The following TCF4 variants were observed in gnomAD, a reference collection of about 807,000 sequenced individuals.
The protein encoded by TCF4 is SL3-3 enhancer factor 2.
In TCF4, 3 loss-of-function variants were observed where a neutral mutation model predicts 82.1. The ratio of observed to expected loss-of-function variants is 0.04; its 90% CI spans 0.02 to 0.09. The LOEUF (loss-of-function observed/expected upper bound fraction) is 0.09, where lower values mean the gene tolerates loss of function less well. TCF4 is among the 10% of genes least tolerant of loss of function. The pLI, the probability that TCF4 is intolerant of heterozygous loss-of-function variation, is 1.00. For synonymous variants in TCF4, 276 were observed against 309.6 expected (o/e 0.89, Z 1.14); for missense variants, 518 against 852.7 (o/e 0.61, Z 4.89).
At chr18:55,391,752 G>T (rs184156452) in intron 6 of TCF4, among the ~76,000 whole-genome samples, 58 of 151,542 alleles carry the variant, frequency 3.8e-4, no homozygotes, top group African/African-American at 1.3e-3. Context: ...GGCCAACATG[G>T]TGAAACCCTG....
At chr18:55,433,073 T>C (rs926374973) in intron 5 of TCF4, among the ~76,000 whole-genome samples, 2 of 152,234 alleles carry the variant, frequency 1.3e-5, no homozygotes, top group African/African-American at 2.4e-5. Context: ...AGTCATATCA[T>C]CTCGATAACT....
At chr18:55,532,828 T>G (rs558119926) in intron 3 of TCF4, among the ~76,000 whole-genome samples, 1 of 152,302 alleles carries the variant, frequency 6.6e-6, no homozygotes, top group African/African-American at 2.4e-5. Flanking sequence ...CTCTGAATTC[T>G]AATTTAGGTT....
chr18:55,464,786 G>A (rs2095972036), intron 3 of TCF4, among the ~76,000 whole-genome samples: 1 of 151,882 alleles, frequency 6.6e-6, no homozygotes, highest in African/African-American at 2.4e-5. Context: ...TTTGATATGT[G>A]GAAATGAATG....
intron 3 of TCF4, among the ~76,000 whole-genome samples, chr18:55,485,897 G>C (rs895223748): frequency 7.2e-5 from 11 of 152,204 alleles, no homozygotes; most frequent in Non-Finnish European, 1.2e-4. Context: ...CACACACACA[G>C]AATGTGTTCC....
chr18:55,626,996 C>T (rs570502873), intron 2 of TCF4, among the ~76,000 whole-genome samples: 1 of 152,170 alleles, frequency 6.6e-6, no homozygotes, highest in South Asian at 2.1e-4. Context: ...ATATACTGAC[C>T]CTTTCTTTGG....
chr18:55,465,672 C>T (rs148035947), intron 3 of TCF4, among the ~76,000 whole-genome samples: 3 of 152,298 alleles, frequency 2.0e-5, no homozygotes, highest in East Asian at 3.9e-4. Context: ...AAAGAAGCTA[C>T]TTACAACCCT....
intron 3 of TCF4, among the ~76,000 whole-genome samples, chr18:55,524,148 C>G (rs937240039): frequency 2.6e-5 from 4 of 151,952 alleles, no homozygotes; most frequent in Admixed American, 6.6e-5. Context: ...ATTGAGTATA[C>G]AGAAGAAAAA....
intron 8 of TCF4, among the ~76,000 whole-genome samples, chr18:55,340,634 T>C (rs1276436358): frequency 1.3e-5 from 2 of 149,818 alleles, no homozygotes; most frequent in African/African-American, 4.9e-5. Context: ...AAAAAGCAAG[T>C]GACCTCTGTT....
At chr18:55,575,682 C>T (rs1335202606) in intron 3 of TCF4, among the ~76,000 whole-genome samples, 1 of 152,162 alleles carries the variant, frequency 6.6e-6, no homozygotes, top group East Asian at 1.9e-4. Context: ...AAATTGGACA[C>T]ACATGCTAAG....
intron 6 of TCF4, among the ~76,000 whole-genome samples, chr18:55,379,081 C>A (rs2091414693): frequency 6.6e-6 from 1 of 152,160 alleles, no homozygotes; most frequent in South Asian, 2.1e-4. Context: ...CATTAGATGA[C>A]CTCCCTGTTT....
At chr18:55,586,916 T>TA in intron 2 of TCF4, 129 bp downstream of exon 2, 1 of 793,274 alleles carries the variant, frequency 1.3e-6, no homozygotes, top group South Asian at 1.5e-5. Flanking sequence ...GACCTTCATA[T>TA]TTACCAAGGA....
intron 11 of TCF4, chr18:55,267,237 T>C (rs2059387861): frequency 6.6e-6 from 1 of 152,202 alleles, no homozygotes; most frequent in South Asian, 2.1e-4. Flanking sequence ...TTTAATTAGC[T>C]CTGTTTGTTC....
At chr18:55,249,677 A>C (rs1454134401) in intron 15 of TCF4, among the ~76,000 whole-genome samples, 1 of 152,226 alleles carries the variant, frequency 6.6e-6, no homozygotes, top group Middle Eastern at 3.2e-3. Context: ...GTAACCACGG[A>C]TAAATGTTAT....
chr18:55,459,739 C>T (rs2095838589), intron 5 of TCF4, among the ~76,000 whole-genome samples: 1 of 152,138 alleles, frequency 6.6e-6, no homozygotes, highest in African/African-American at 2.4e-5. Context: ...CTATCAACAA[C>T]TGATAAAGAA....
chr18:55,588,770 G>C, upstream of TCF4: 1 of 1,149,928 alleles, frequency 8.7e-7, no homozygotes, highest in African/African-American at 1.6e-5. Flanking sequence ...TTGCGTTGGG[G>C]GCGAAATCTG....
At chr18:55,238,153 C>T (rs2050106715) in intron 15 of TCF4, among the ~76,000 whole-genome samples, 1 of 152,156 alleles carries the variant, frequency 6.6e-6, no homozygotes, top group Admixed American at 6.5e-5. Context: ...ACATTTCGTC[C>T]CTATTTTTAG....
rs183013795 is a variant in TCF4, at chr18:55,228,727, T to C, written c.1879+120A>G. 593 of 1,063,146 alleles carry C rather than the reference T, an allele frequency of 5.6e-4. 1 individual carries two copies. Among genetic ancestry groups the C allele is most frequent in the Non-Finnish European group, 7.5e-4 (535 of 714,010 alleles). The allele number at this position is 1,063,146 out of a possible 1,614,324, so 65.9% of individuals were successfully genotyped here. On this transcript the variant is annotated intron_variant, in intron 18 of 19. Transcript: ENST00000354452. Reference sequence around the variant, plus strand: ...AGACACAGTCTGCAATGGAAACAATTCTTTGGAATGATGCTTGAAAGTCTA... The same window carrying C: ...AGACACAGTCTGCAATGGAAACAATCCTTTGGAATGATGCTTGAAAGTCTA...
chr18:55,416,124 G>GT (rs2094518348), intron 5 of TCF4, among the ~76,000 whole-genome samples: 1 of 152,104 alleles, frequency 6.6e-6, no homozygotes, highest in Non-Finnish European at 1.5e-5. Context: ...TCACAGCTAT[G>GT]TATGTACACA....
intron 8 of TCF4, among the ~76,000 whole-genome samples, chr18:55,305,588 A>G (rs1440198024): frequency 1.3e-5 from 2 of 152,228 alleles, no homozygotes; most frequent in Non-Finnish European, 2.9e-5. Context: ...AAGCTTTCAA[A>G]AACTAGGATT....
Sources: gnomAD v4.1 joint callset for allele counts (sites outside exome capture counted in the v4.1 genomes callset) on GRCh38, gnomAD v4.1.1 for gene constraint, MANE v1.5 for transcripts, NCBI Gene and HGNC (gene_info 2026-07-23, HGNC 2026-07-21) for gene names.